Variants in ATP2B1 observed in about 807,000 individuals in gnomAD.
The protein encoded by ATP2B1 is ATPase plasma membrane Ca2+ transporting 1.
Under a neutral mutation model 124.2 loss-of-function variants are expected in ATP2B1, and 14 were observed. The observed-to-expected ratio is 0.11, with a 90% CI of 0.07 to 0.18. The LOEUF (loss-of-function observed/expected upper bound fraction) is 0.18. Ranked by LOEUF, ATP2B1 falls within the 10% of genes least tolerant of loss-of-function variation. The probability of loss-of-function intolerance (pLI) is 1.00; values close to 1 mark genes in which losing one functional copy is unlikely to be tolerated. For missense variants in ATP2B1, 763 were observed against 1,466.1 expected, an observed-to-expected ratio of 0.52 and a Z score of 7.83; for synonymous variants, 449 against 492.4, an observed-to-expected ratio of 0.91 and a Z score of 1.17.
chr12:89,599,651 T>C (rs1416146426), intron 19 of ATP2B1, among the ~76,000 whole-genome samples: 1 of 152,082 alleles, frequency 6.6e-6, no homozygotes, highest in African/African-American at 2.4e-5. Context: ...AAATGGCAGG[T>C]GGTCTTACTA....
At chr12:89,602,955 T>G in intron 18 of ATP2B1, 88 bp downstream of exon 18, 1 of 1,169,684 alleles carries the variant, frequency 8.5e-7, no homozygotes, top group Non-Finnish European at 1.2e-6. Flanking sequence ...CCACACATGT[T>G]CCACACAAGT....
rs532573577 is a variant in ATP2B1, at chr12:89,610,015, T to C, written c.2364A>G (p.Gln788=). 10 of 1,613,766 alleles carry C rather than the reference T, an allele frequency of 6.2e-6. No individual in the cohort carries two copies. Among genetic ancestry groups the C allele is most frequent in the Admixed American group, 3.3e-5 (2 of 60,000 alleles). The change falls in exon 15 of 21, where the codon CAA becomes CAG. Residue 788 remains glutamine, a synonymous_variant. Coordinates refer to ENST00000428670, the MANE Select transcript of ATP2B1 (RefSeq NM_001366521.1). ...CACCAGTTACAGCTACAACCTGGCGTTGGTCTGAGACAGTGCTGTCAATTA... is the reference window on the plus strand; with the variant it reads ...CACCAGTTACAGCTACAACCTGGCGCTGGTCTGAGACAGTGCTGTCAATTA... ...KGIIDSTVSD[Q]RQVVAVTGDG...
chr12:89,656,355 A>T (rs1222757865), intron 1 of ATP2B1, among the ~76,000 whole-genome samples: 1 of 152,234 alleles, frequency 6.6e-6, no homozygotes, highest in Non-Finnish European at 1.5e-5. Flanking sequence ...CACATGACTG[A>T]ATTTTATGAT....
At chr12:89,643,253 CACAT>C (rs1883930154) in intron 2 of ATP2B1, among the ~76,000 whole-genome samples, 1 of 150,784 alleles carries the variant, frequency 6.6e-6, no homozygotes, top group Non-Finnish European at 1.5e-5. Flanking sequence ...TATATACACA[CACAT>C]ATACACATAT....
chr12:89,642,325 C>T lies in ATP2B1; in HGVS notation c.239G>A (p.Arg80Lys). Reference protein sequence around the residue: ...GLSGNPADLERREAVFGKNFI... With the variant: ...GLSGNPADLEKREAVFGKNFI... Reference sequence around the variant, plus strand: ...ATTCTTTCCAAACACTGCTTCTCTTCTTTCTAAATCTGCAGGGTTTCCACT... The same window carrying T: ...ATTCTTTCCAAACACTGCTTCTCTTTTTTCTAAATCTGCAGGGTTTCCACT... Residue 80 changes from arginine (R) to lysine (K), a missense_variant, in exon 3 of 21, where the codon AGA becomes AAA. Transcript: ENST00000428670. 6.2e-7 allele frequency: 1 copy of T among 1,613,452 alleles called. No individual in the cohort carries two copies. The highest frequency in any genetic ancestry group is 8.5e-7 in the Non-Finnish European group (1 of 1,179,874).
chr12:89,610,096 GA>G, intron 14 of ATP2B1, 53 bp from the exon 15 acceptor site: 1 of 1,465,992 alleles, frequency 6.8e-7, no homozygotes, highest in Non-Finnish European at 9.5e-7. Context: ...TTAATAAGAT[GA>G]TTCTGAAGAA....
At chr12:89,597,527 C>T (rs771295662) in intron 20 of ATP2B1, among the ~76,000 whole-genome samples, 10 of 152,052 alleles carry the variant, frequency 6.6e-5, no homozygotes, top group Non-Finnish European at 1.5e-4. Context: ...TAAGTAAATA[C>T]GGAAAAAACA....
At chr12:89,624,035 A>C in intron 9 of ATP2B1, 148 bp downstream of exon 9, 2 of 706,480 alleles carry the variant, frequency 2.8e-6, no homozygotes, top group South Asian at 3.9e-5. Context: ...GGTACAGGGC[A>C]TCAATGACAA....
At chr12:89,701,498 T>TA (rs1891849979) in intron 1 of ATP2B1, among the ~76,000 whole-genome samples, 1 of 152,214 alleles carries the variant, frequency 6.6e-6, no homozygotes, top group African/African-American at 2.4e-5. Flanking sequence ...TAGCTTCTGT[T>TA]AAAGTAAAGC....
intron 2 of ATP2B1, among the ~76,000 whole-genome samples, chr12:89,652,041 C>A (rs1218145873): frequency 2.0e-5 from 3 of 152,076 alleles, no homozygotes; most frequent in Non-Finnish European, 2.9e-5. Flanking sequence ...AATATCGACA[C>A]CCCCAATATT....
At chr12:89,625,520 G>A (rs1433433392) in intron 8 of ATP2B1, among the ~76,000 whole-genome samples, 3 of 149,740 alleles carry the variant, frequency 2.0e-5, no homozygotes, top group Admixed American at 1.3e-4. Context: ...GGGATGTGGA[G>A]GGTTCAGTGA....
At chr12:89,638,585 A>G (rs1260289255) in intron 3 of ATP2B1, among the ~76,000 whole-genome samples, 1 of 152,210 alleles carries the variant, frequency 6.6e-6, no homozygotes, top group Admixed American at 6.5e-5. Flanking sequence ...TTAAAGAGAT[A>G]TGACACCACT....
At chr12:89,702,020 T>A (rs11105380) in intron 1 of ATP2B1, among the ~76,000 whole-genome samples, 36,607 of 152,132 alleles carry the variant, frequency 0.24, 5,369 homozygotes, top group Non-Finnish European at 0.3. Context: ...GTGAACAGCA[T>A]CCCCTGGAGT....
chr12:89,612,353 C>A (rs1209244820), intron 12 of ATP2B1, among the ~76,000 whole-genome samples: 2 of 151,998 alleles, frequency 1.3e-5, no homozygotes, highest in Non-Finnish European at 2.9e-5. Flanking sequence ...AAAATCCACA[C>A]GGATCCTACT....
At chr12:89,653,049 G>T (rs182997785) in intron 2 of ATP2B1, among the ~76,000 whole-genome samples, 1 of 152,116 alleles carries the variant, frequency 6.6e-6, no homozygotes, top group South Asian at 2.1e-4. Flanking sequence ...ATTTTCAACT[G>T]TAAATATAAG....
intron 5 of ATP2B1, 40 bp downstream of exon 5, chr12:89,634,738 G>T: frequency 1.3e-6 from 2 of 1,524,350 alleles, no homozygotes; most frequent in South Asian, 2.5e-5. Flanking sequence ...ACATAGTTGC[G>T]AAAGAGGAAA....
intron 2 of ATP2B1, among the ~76,000 whole-genome samples, chr12:89,653,832 T>C (rs1014185762): frequency 6.6e-6 from 1 of 152,166 alleles, no homozygotes; most frequent in Non-Finnish European, 1.5e-5. Context: ...TCTATAAAAA[T>C]GAGAAGCCAT....
chr12:89,608,191 CAG>C (rs1157012240), intron 15 of ATP2B1, among the ~76,000 whole-genome samples: 1 of 152,132 alleles, frequency 6.6e-6, no homozygotes, highest in East Asian at 1.9e-4. Context: ...TTATTTCAGA[CAG>C]AGTCTCGCTC....
intron 1 of ATP2B1, among the ~76,000 whole-genome samples, chr12:89,691,660 A>G (rs921882166): frequency 3.3e-5 from 5 of 152,294 alleles, no homozygotes; most frequent in South Asian, 4.1e-4. Context: ...CTAGGTCCCA[A>G]CAAAGAACTG....
Sources: allele counts gnomAD v4.1 joint callset (sites outside exome capture counted in the v4.1 genomes callset), GRCh38; gene constraint gnomAD v4.1.1; transcripts MANE v1.5; gene names NCBI Gene and HGNC (gene_info 2026-07-23, HGNC 2026-07-21).